Variants in FRMPD4 observed in about 807,000 individuals in gnomAD.
FRMPD4 encodes the protein FERM and PDZ domain containing 4.
A neutral mutation model predicts 94.1 loss-of-function variants in FRMPD4; 22 were observed. That is an observed-to-expected ratio of 0.23 (90% confidence interval 0.17 to 0.33). The LOEUF (loss-of-function observed/expected upper bound fraction) is 0.33. Ranked by LOEUF, FRMPD4 falls within the 10% of genes least tolerant of loss-of-function variation. FRMPD4 has a pLI of 1.00. For synonymous variants in FRMPD4, 631 were observed against 548.6 expected, an observed-to-expected ratio of 1.15 and a Z score of -2.10; for missense variants, 1,111 against 1,339.9, an observed-to-expected ratio of 0.83 and a Z score of 2.67.
chrX:12,584,326 G>A (rs2058900831), intron 2 of FRMPD4, among the ~76,000 whole-genome samples: 2 of 112,144 alleles, frequency 1.8e-5, no homozygotes, highest in Admixed American at 1.9e-4. Context: ...GATGAAGCTG[G>A]CATTTCCAGT....
At chrX:11,987,152 A>T (rs954707065) in intron 3 of FRMPD4, among the ~76,000 whole-genome samples, 11 of 102,166 alleles carry the variant, frequency 1.1e-4, no homozygotes, top group African/African-American at 3.6e-4. Flanking sequence ...AATAACTCTG[A>T]TGAATATTGA....
chrX:11,935,309 G>C (rs1194513430), intron 3 of FRMPD4, among the ~76,000 whole-genome samples: 3 of 6,996 alleles, frequency 4.3e-4, no homozygotes, highest in Admixed American at 2.9e-3. Flanking sequence ...TATACTCTAA[G>C]TTTTAGGGTA....
At chrX:12,010,309 A>T (rs1015387227) in intron 3 of FRMPD4, among the ~76,000 whole-genome samples, 1 of 112,600 alleles carries the variant, frequency 8.9e-6, no homozygotes, top group Non-Finnish European at 1.9e-5. Flanking sequence ...ATTGATATAC[A>T]CAAGCAGATA....
chrX:12,030,057 C>G (rs1157573785), intron 3 of FRMPD4, among the ~76,000 whole-genome samples: 6 of 111,190 alleles, frequency 5.4e-5, no homozygotes, highest in African/African-American at 1.6e-4. Flanking sequence ...ATATTAGGAC[C>G]CCACCCCTAA....
intron 3 of FRMPD4, among the ~76,000 whole-genome samples, chrX:11,980,263 T>A: frequency 8.9e-6 from 1 of 112,249 alleles, no homozygotes; most frequent in Admixed American, 9.4e-5. Context: ...CATGAAATGC[T>A]CTTATTTCTT....
chrX:11,982,613 G>T (rs754614191), intron 3 of FRMPD4, among the ~76,000 whole-genome samples: 1 of 110,968 alleles, frequency 9.0e-6, no homozygotes, highest in Admixed American at 9.5e-5. Flanking sequence ...TCTTTGTCCC[G>T]TGGACTGTAT....
At position 12,578,445 on chromosome X, in the gene FRMPD4, T is replaced by C. The variant is rs146912474; in HGVS notation, c.159-31276T>C. 3.8e-4 allele frequency among the ~76,000 whole-genome samples: 43 copies of C among 111,832 alleles called. No homozygotes were observed. The East Asian group carries it at 7.6e-3, about 20-fold the overall frequency. On this transcript the variant is annotated intron_variant, in intron 2 of 16. Coordinates refer to ENST00000675598, the MANE Select transcript of FRMPD4 (RefSeq NM_001368397.1). ...ACAGTTTTTTGAGGTGATCATGATA[T>C]TGAACTGACAGACTCACACGAAACC... is the stretch of plus-strand genomic sequence containing the variant.
intron 1 of FRMPD4, among the ~76,000 whole-genome samples, chrX:12,466,661 G>A (rs752252315): frequency 8.9e-6 from 1 of 112,191 alleles, no homozygotes; most frequent in Admixed American, 9.5e-5. Flanking sequence ...CACAGAGGAA[G>A]AAAGAAAGAA....
chrX:12,431,403 G>T (rs2057008548), intron 1 of FRMPD4, among the ~76,000 whole-genome samples: 2 of 112,351 alleles, frequency 1.8e-5, no homozygotes, highest in African/African-American at 6.5e-5. Flanking sequence ...GCAAGATTTA[G>T]ATTCTAACCC....
chrX:12,365,169 A>G (rs1182398326), intron 1 of FRMPD4, among the ~76,000 whole-genome samples: 2 of 112,222 alleles, frequency 1.8e-5, no homozygotes, highest in African/African-American at 6.5e-5. Context: ...TGCAGTATGA[A>G]GGATCCTTTG....
At position 12,086,715 on chromosome X, in the gene FRMPD4, C is replaced by T. The variant is rs186799764; in HGVS notation, c.95+208697C>T. ...TTTCTGTTGCTGCCTCACAAGTTAC[C>T]AAAACCATAGTTGCTTAAAACAACA... On this transcript the variant is annotated intron_variant, in intron 3 of 18. Coordinates refer to the FRMPD4 transcript ENST00000640291. Among the ~76,000 whole-genome samples, 323 of 111,789 alleles carry T rather than the reference C, an allele frequency of 2.9e-3. 2 individuals carry two copies. Among genetic ancestry groups the T allele is most frequent in the Non-Finnish European group, 5.1e-3 (270 of 53,163 alleles).
intron 1 of FRMPD4, among the ~76,000 whole-genome samples, chrX:12,266,356 AC>A (rs1269606408): frequency 9.0e-6 from 1 of 110,861 alleles, no homozygotes; most frequent in Admixed American, 9.6e-5. Context: ...CATTGGGTTT[AC>A]TTTTCTGAAT....
chrX:12,650,758 T>C (rs986777749), intron 4 of FRMPD4, among the ~76,000 whole-genome samples: 7 of 112,957 alleles, frequency 6.2e-5, no homozygotes, highest in Non-Finnish European at 1.1e-4. Flanking sequence ...ATTGAATGAA[T>C]AAATTTGAAA....
At chrX:12,535,325 C>A (rs2058327670) in intron 2 of FRMPD4, among the ~76,000 whole-genome samples, 1 of 111,628 alleles carries the variant, frequency 9.0e-6, no homozygotes, top group South Asian at 3.8e-4. Flanking sequence ...ATGTCTTTAT[C>A]AGCAGCGTGA....
intron 1 of FRMPD4, among the ~76,000 whole-genome samples, chrX:12,469,277 A>T (rs1178399220): frequency 9.0e-6 from 1 of 110,936 alleles, no homozygotes; most frequent in East Asian, 2.8e-4. Flanking sequence ...TTTGAGACAG[A>T]GTCTCACTGT....
intron 1 of FRMPD4, among the ~76,000 whole-genome samples, chrX:12,443,172 A>G (rs988147620): frequency 2.7e-5 from 3 of 111,735 alleles, no homozygotes; most frequent in Non-Finnish European, 5.6e-5. Flanking sequence ...GATGGTTGCA[A>G]ACTCTGTGAA....
chrX:12,609,682 A>G, intron 2 of FRMPD4, 39 bp from the exon 3 acceptor site: 1 of 1,145,405 alleles, frequency 8.7e-7, no homozygotes. Context: ...TAAGACATAC[A>G]TTGATGCCTT....
At chrX:12,068,414 T>A (rs1312983025) in intron 3 of FRMPD4, among the ~76,000 whole-genome samples, 1 of 112,174 alleles carries the variant, frequency 8.9e-6, no homozygotes. Context: ...TCTCTGATTA[T>A]AATAATAAGC....
chrX:11,842,077 T>TGAGG (rs1358460775), intron 1 of FRMPD4, among the ~76,000 whole-genome samples: 1 of 108,259 alleles, frequency 9.2e-6, no homozygotes, highest in African/African-American at 3.4e-5. Flanking sequence ...GCGTTATTTC[T>TGAGG]GAGGGCTGTG....
Sources: allele counts gnomAD v4.1 joint callset (sites outside exome capture counted in the v4.1 genomes callset), GRCh38; gene constraint gnomAD v4.1.1; transcripts MANE v1.5; gene names NCBI Gene and HGNC (gene_info 2026-07-23, HGNC 2026-07-21).